The following FAM200B variants were observed in gnomAD, a reference collection of about 807,000 sequenced individuals.
The protein encoded by FAM200B is zinc finger BED-type containing 11, also known as protein FAM200B.
FAM200B carries 32 observed loss-of-function variants against 33.1 expected under a neutral mutation model. The ratio of observed to expected loss-of-function variants is 0.97; its 90% CI spans 0.73 to 1.30. FAM200B has a LOEUF of 1.30. Ranked by LOEUF, FAM200B falls within the 50% of genes most tolerant of loss-of-function variation. FAM200B has a pLI of 0.00. For synonymous variants in FAM200B, 240 were observed against 264.8 expected, an observed-to-expected ratio of 0.91 and a Z score of 0.91; for missense variants, 741 against 754.0, an observed-to-expected ratio of 0.98 and a Z score of 0.20.
upstream of FAM200B, among the ~76,000 whole-genome samples, chr4:15,680,986 C>A (rs914098283): frequency 2.2e-5 from 3 of 135,154 alleles, no homozygotes; most frequent in Non-Finnish European, 4.9e-5. Flanking sequence ...TATATCTCAA[C>A]CACAAAAAAA....
At chr4:15,644,769 AT>A in the FAM200B span, 1 of 1,203,478 alleles carries the variant, frequency 8.3e-7, no homozygotes, top group East Asian at 2.5e-5. Context: ...CAAATAAAAA[AT>A]ATTCAAATAC....
chr4:15,638,795 A>G, the FAM200B span: 1 of 683,926 alleles, frequency 1.5e-6, no homozygotes, highest in East Asian at 3.1e-5. Context: ...TATTATGACC[A>G]TATATCTCAA....
the FAM200B span, among the ~76,000 whole-genome samples, chr4:15,670,822 T>C: frequency 6.6e-6 from 1 of 152,082 alleles, no homozygotes; most frequent in Non-Finnish European, 1.5e-5. Context: ...TTAACATTTC[T>C]GGTACAACGG....
At chr4:15,665,490 A>T in the FAM200B span, among the ~76,000 whole-genome samples, 1 of 152,110 alleles carries the variant, frequency 6.6e-6, no homozygotes, top group Non-Finnish European at 1.5e-5. Flanking sequence ...ATTTGGGACT[A>T]CCTTACAAAT....
the FAM200B span, among the ~76,000 whole-genome samples, chr4:15,660,481 G>C: frequency 6.6e-6 from 1 of 152,194 alleles, no homozygotes; most frequent in Non-Finnish European, 1.5e-5. Context: ...CCTAGAAATA[G>C]AGATGTCATG....
the FAM200B span, among the ~76,000 whole-genome samples, chr4:15,671,461 C>T: frequency 1.3e-5 from 2 of 150,886 alleles, no homozygotes; most frequent in Admixed American, 6.6e-5. Flanking sequence ...GTTTAAGAGA[C>T]AGGGTCTCTC....
chr4:15,689,094 T>C lies in FAM200B; in HGVS notation c.*143T>C, dbSNP rs1719176829. The C allele has an allele frequency of 3.2e-6, 2 of 629,826 alleles. No homozygotes were observed. The highest frequency in any genetic ancestry group is 4.8e-6 in the Non-Finnish European group (2 of 420,268). The allele number at this position is 629,826 out of a possible 1,614,324, so 39.0% of individuals were successfully genotyped here. A position where few individuals can be genotyped will look rare whatever the true frequency, so the allele number is the denominator to read the frequency against. ...TATATTTAATAAAATTATTTTATGT[T>C]CATTGAACAAAAATTTAATGAATTT... is the stretch of plus-strand genomic sequence containing the variant. On this transcript the variant is annotated 3_prime_UTR_variant, in exon 2 of 2. Coordinates refer to ENST00000422728, the MANE Select transcript of FAM200B (RefSeq NM_001145191.2).
intron 1 of FAM200B, among the ~76,000 whole-genome samples, chr4:15,683,132 G>C (rs1415907728): frequency 1.3e-5 from 2 of 152,168 alleles, no homozygotes; most frequent in Non-Finnish European, 1.5e-5. Context: ...AACAATCATT[G>C]CATTAAGCAA....
the FAM200B span, among the ~76,000 whole-genome samples, chr4:15,639,066 A>AC: frequency 6.6e-6 from 1 of 152,196 alleles, no homozygotes; most frequent in Non-Finnish European, 1.5e-5. Context: ...CGAGAGACTG[A>AC]GGCAGGAGAA....
At chr4:15,641,272 A>G in the FAM200B span, among the ~76,000 whole-genome samples, 1 of 151,934 alleles carries the variant, frequency 6.6e-6, no homozygotes, top group Non-Finnish European at 1.5e-5. Context: ...CCACTAAAAA[A>G]CTCAGAATAT....
In FAM200B at chr4:15,689,600, C is replaced by T. The variant is rs1719216049; in HGVS notation, c.*649C>T. On this transcript the variant is annotated 3_prime_UTR_variant, in exon 2 of 2. Transcript: ENST00000422728. ...ACCATCCTGGGCAACATAGTGAGACCTTATTTCTACTAAAAATATTTTAAA... is the reference window on the plus strand; with the variant it reads ...ACCATCCTGGGCAACATAGTGAGACTTTATTTCTACTAAAAATATTTTAAA... 1 of 164,492 alleles carries T rather than the reference C, an allele frequency of 6.1e-6. No individual in the cohort carries two copies. The highest frequency in any genetic ancestry group is 6.5e-5 in the Admixed American group (1 of 15,276). The allele number at this position is 164,492 out of a possible 1,614,324, so 10.2% of individuals were successfully genotyped here. A position where few individuals can be genotyped will look rare whatever the true frequency, so the allele number is the denominator to read the frequency against.
the FAM200B span, chr4:15,640,851 T>C: frequency 1.2e-5 from 18 of 1,557,202 alleles, no homozygotes; most frequent in Non-Finnish European, 1.5e-5. Context: ...TCTCTTTCAG[T>C]TGTTTTGCAT....
the FAM200B span, chr4:15,655,099 G>A: frequency 1.1e-6 from 1 of 907,272 alleles, no homozygotes; most frequent in Non-Finnish European, 1.4e-6. Flanking sequence ...GCGCGGCGAC[G>A]GCACGGGGCT....
the FAM200B span, chr4:15,636,806 T>G: frequency 1.6e-6 from 1 of 626,430 alleles, no homozygotes; most frequent in African/African-American, 1.8e-5. Flanking sequence ...GATGTGAAAA[T>G]GAAATAACAT....
chr4:15,672,532 T>C, the FAM200B span, among the ~76,000 whole-genome samples: 1 of 152,232 alleles, frequency 6.6e-6, no homozygotes, highest in African/African-American at 2.4e-5. Context: ...ATGGTATTTT[T>C]GTATCTAAAC....
chr4:15,672,080 T>A, the FAM200B span, among the ~76,000 whole-genome samples: 1 of 152,240 alleles, frequency 6.6e-6, no homozygotes, highest in Non-Finnish European at 1.5e-5. Context: ...CCTATAAATC[T>A]TCTTGAGCTT....
chr4:15,668,366 C>T, the FAM200B span, among the ~76,000 whole-genome samples: 1 of 151,904 alleles, frequency 6.6e-6, no homozygotes, highest in Non-Finnish European at 1.5e-5. Context: ...TCAAGTTCAA[C>T]TGCTGGATCT....
At chr4:15,638,069 T>G in the FAM200B span, among the ~76,000 whole-genome samples, 1 of 152,080 alleles carries the variant, frequency 6.6e-6, no homozygotes, top group African/African-American at 2.4e-5. Context: ...TAAACATAAC[T>G]AATTTTGAAA....
chr4:15,655,138 A>G, the FAM200B span: 8 of 1,260,418 alleles, frequency 6.3e-6, no homozygotes, highest in Non-Finnish European at 8.3e-6. Context: ...AGGCCGCCCC[A>G]AGAACCCAGC....
Sources: gnomAD v4.1 joint callset for allele counts (sites outside exome capture counted in the v4.1 genomes callset) on GRCh38, gnomAD v4.1.1 for gene constraint, MANE v1.5 for transcripts, NCBI Gene and HGNC (gene_info 2026-07-23, HGNC 2026-07-21) for gene names.